The following ARHGAP5 variants were observed in gnomAD, a reference collection of about 807,000 sequenced individuals.
ARHGAP5 encodes Rho GTPase activating protein 5, also known as rho GTPase-activating protein 5.
ARHGAP5 carries 23 observed loss-of-function variants against 116.6 expected under a neutral mutation model. The ratio of observed to expected loss-of-function variants is 0.20; its 90% CI spans 0.14 to 0.28. ARHGAP5 has a LOEUF of 0.28. Among genes scored for constraint, ARHGAP5 ranks in the 10% least tolerant of loss-of-function variants. ARHGAP5 has a pLI of 1.00. For synonymous variants in ARHGAP5, 574 were observed against 602.0 expected (o/e 0.95, Z 0.68); for missense variants, 1,405 against 1,774.8 (o/e 0.79, Z 3.74).
At chr14:32,125,963 A>G (rs1458022666) in intron 3 of ARHGAP5, among the ~76,000 whole-genome samples, 3 of 152,094 alleles carry the variant, frequency 2.0e-5, no homozygotes, top group Admixed American at 6.5e-5. Context: ...TTGATCTTGT[A>G]TCCTGAAATT....
Position 32,154,845 on chromosome 14 carries a change from C to T in ARHGAP5, c.4406C>T (p.Pro1469Leu). 6.2e-7 allele frequency: 1 copy of T among 1,614,134 alleles called. No individual in the cohort carries two copies. Among genetic ancestry groups the T allele is most frequent in the South Asian group, 1.1e-5 (1 of 91,082 alleles). ...NIVAPPPPSN[P>L]GQLVEPMVPL... ...GTGGCTCCTCCACCACCTTCAAACC[C>T]AGGACAGTTGGTGGAACCAATGGTG... is the stretch of plus-strand genomic sequence containing the variant. The change falls in exon 7 of 7, where the codon CCA becomes CTA. Residue 1469 changes from proline (P) to leucine (L), a missense_variant. Pro to Leu is a moderately conservative substitution (Grantham distance 98, BLOSUM62 -3). This residue lies in a region of ARHGAP5 where 85 missense variants were observed against 96.6 expected (regional missense o/e 0.88). Transcript: ENST00000345122.
intron 2 of ARHGAP5, among the ~76,000 whole-genome samples, chr14:32,112,864 C>G (rs1420206681): frequency 1.3e-5 from 2 of 151,360 alleles, no homozygotes; most frequent in Admixed American, 6.6e-5. Flanking sequence ...GAACAAGACT[C>G]CGCCTCAAAA....
chr14:32,150,735 A>T (rs1417997817), intron 5 of ARHGAP5, among the ~76,000 whole-genome samples: 1 of 152,226 alleles, frequency 6.6e-6, no homozygotes, highest in Non-Finnish European at 1.5e-5. Flanking sequence ...TTGGGGATTA[A>T]GTTTCCCACA....
intron 3 of ARHGAP5, among the ~76,000 whole-genome samples, chr14:32,137,828 C>G (rs1880889347): frequency 6.6e-6 from 1 of 151,898 alleles, no homozygotes; most frequent in African/African-American, 2.4e-5. Context: ...AAAAATTAGC[C>G]AGACGTGGTG....
At chr14:32,133,066 C>T (rs971332714) in intron 3 of ARHGAP5, among the ~76,000 whole-genome samples, 1 of 152,136 alleles carries the variant, frequency 6.6e-6, no homozygotes, top group Admixed American at 6.6e-5. Context: ...CTTGGCGATG[C>T]AGGCTCTTTT....
At chr14:32,130,233 A>G (rs1027262981) in intron 3 of ARHGAP5, among the ~76,000 whole-genome samples, 1 of 121,046 alleles carries the variant, frequency 8.3e-6, no homozygotes, top group Admixed American at 9.1e-5. Flanking sequence ...TTTTTTTGAG[A>G]TGGAGTCTCA....
chr14:32,125,759 T>G (rs756955401), intron 3 of ARHGAP5, among the ~76,000 whole-genome samples: 32 of 152,224 alleles, frequency 2.1e-4, no homozygotes, highest in Non-Finnish European at 4.0e-4. Flanking sequence ...AGTCTTCGAA[T>G]CCATGAATGT....
chr14:32,081,431 C>T (rs2041771797), intron 1 of ARHGAP5, among the ~76,000 whole-genome samples: 1 of 151,652 alleles, frequency 6.6e-6, no homozygotes, highest in Non-Finnish European at 1.5e-5. Flanking sequence ...AATGTGTAGT[C>T]CTAGCTACTT....
intron 2 of ARHGAP5, among the ~76,000 whole-genome samples, chr14:32,114,221 C>A (rs181622918): frequency 6.7e-6 from 1 of 149,034 alleles, no homozygotes; most frequent in African/African-American, 2.6e-5. Flanking sequence ...GAGCTAGACT[C>A]CGTCTCAAAA....
At chr14:32,143,347 ATTC>A (rs1240773647) in intron 3 of ARHGAP5, among the ~76,000 whole-genome samples, 1 of 151,866 alleles carries the variant, frequency 6.6e-6, no homozygotes, top group Non-Finnish European at 1.5e-5. Context: ...GGTTCAAGCA[ATTC>A]TTCTGCCTCA....
intron 3 of ARHGAP5, among the ~76,000 whole-genome samples, chr14:32,146,016 C>T (rs1002962393): frequency 6.6e-6 from 1 of 151,888 alleles, no homozygotes; most frequent in Non-Finnish European, 1.5e-5. Flanking sequence ...AGGTGGGGAG[C>T]CTGAGCCTCA....
chr14:32,080,620 C>A (rs936944676), intron 1 of ARHGAP5, among the ~76,000 whole-genome samples: 2 of 152,010 alleles, frequency 1.3e-5, no homozygotes, highest in African/African-American at 2.4e-5. Flanking sequence ...ATAGCTCAAG[C>A]TGTATAAAGG....
At chr14:32,121,159 C>G (rs1879871918) in intron 3 of ARHGAP5, among the ~76,000 whole-genome samples, 1 of 151,672 alleles carries the variant, frequency 6.6e-6, no homozygotes, top group Non-Finnish European at 1.5e-5. Flanking sequence ...CTGGGACTGC[C>G]ACCACACCCA....
At chr14:32,121,960 G>T (rs1025629932) in intron 3 of ARHGAP5, among the ~76,000 whole-genome samples, 1 of 152,102 alleles carries the variant, frequency 6.6e-6, no homozygotes, top group African/African-American at 2.4e-5. Flanking sequence ...TGGACACTTG[G>T]TTTGTTTCTA....
intron 2 of ARHGAP5, among the ~76,000 whole-genome samples, chr14:32,111,004 T>C (rs1341944551): frequency 6.6e-6 from 1 of 152,188 alleles, no homozygotes; most frequent in Non-Finnish European, 1.5e-5. Flanking sequence ...TTAGGGTGTT[T>C]TACATTAGTT....
At chr14:32,128,540 T>C (rs903632957) in intron 3 of ARHGAP5, among the ~76,000 whole-genome samples, 4 of 152,246 alleles carry the variant, frequency 2.6e-5, no homozygotes, top group Non-Finnish European at 4.4e-5. Context: ...CTATCGGTGC[T>C]GAGGCTGGCC....
intron 2 of ARHGAP5, among the ~76,000 whole-genome samples, chr14:32,112,644 G>A (rs1202783443): frequency 1.3e-5 from 2 of 152,290 alleles, no homozygotes; most frequent in East Asian, 3.9e-4. Context: ...AGGCCAAGGC[G>A]GGCAGATTAC....
intron 2 of ARHGAP5, among the ~76,000 whole-genome samples, chr14:32,113,810 T>C (rs1879424435): frequency 6.6e-6 from 1 of 152,236 alleles, no homozygotes; most frequent in Non-Finnish European, 1.5e-5. Context: ...TTGGAACATT[T>C]AGAGTTGGCT....
At chr14:32,106,071 C>G (rs1398050593) in intron 2 of ARHGAP5, among the ~76,000 whole-genome samples, 1 of 152,118 alleles carries the variant, frequency 6.6e-6, no homozygotes, top group African/African-American at 2.4e-5. Context: ...CATGAACATT[C>G]GAATACAGGA....
Sources: allele counts gnomAD v4.1 joint callset (sites outside exome capture counted in the v4.1 genomes callset), GRCh38; gene constraint gnomAD v4.1.1; regional missense constraint gnomAD v4.1.1; transcripts MANE v1.5; gene names NCBI Gene and HGNC (gene_info 2026-07-23, HGNC 2026-07-21).